CYP4V2: variants seen among roughly 807,000 people sequenced by gnomAD.
The protein encoded by CYP4V2 is cytochrome P450 family 4 subfamily V member 2.
A neutral mutation model predicts 60.8 loss-of-function variants in CYP4V2; 55 were observed. That is an observed-to-expected ratio of 0.90 (90% CI 0.73 to 1.13). The LOEUF is 1.13. Ranked by LOEUF, CYP4V2 falls within the 50% of genes most tolerant of loss-of-function variation. The pLI, the probability that CYP4V2 is intolerant of heterozygous loss-of-function variation, is 0.00. For missense variants in CYP4V2, 675 were observed against 662.9 expected (o/e 1.02, Z -0.20); for synonymous variants, 239 against 236.8 (o/e 1.01, Z -0.08).
intron 10 of CYP4V2, among the ~76,000 whole-genome samples, chr4:186,210,125 G>A (rs1877320): frequency 0.89 from 135,684 of 152,228 alleles, 60,515 homozygotes; most frequent in East Asian, 0.94. Flanking sequence ...TGAGGCCAGA[G>A]TGAAACGGGT....
Position 186,194,542 on chromosome 4 carries a change from A to C in CYP4V2, c.257A>C (p.His86Pro). 6.2e-7 allele frequency: 1 copy of C among 1,614,210 alleles called. No homozygotes were observed. The highest frequency in any genetic ancestry group is 8.5e-7 in the Non-Finnish European group (1 of 1,180,022). ...ATTGAGTACACAGAGGAATACCGCC[A>C]CATGCCGCTGCTGAAGCTCTGGGTC... is the stretch of plus-strand genomic sequence containing the variant. ...QIIEYTEEYRHMPLLKLWVGP... is the reference protein window; with the variant it reads ...QIIEYTEEYRPMPLLKLWVGP... Residue 86 changes from histidine (H) to proline (P), a missense_variant, in exon 2 of 11, where the codon CAC (histidine) becomes CCC (proline). His to Pro is a moderately conservative substitution (Grantham distance 77, BLOSUM62 -2). Transcript: ENST00000378802.
In CYP4V2 at chr4:186,212,584, G is replaced by T. The variant is rs1736761023; in HGVS notation, c.*1943G>T. ...ATATGTTATTGGAAGAGATTCCTCAGTAATCTCCAATCTCTCATAGTGCCT... is the reference window on the plus strand; with the variant it reads ...ATATGTTATTGGAAGAGATTCCTCATTAATCTCCAATCTCTCATAGTGCCT... On this transcript the variant is annotated 3_prime_UTR_variant, in exon 11 of 11. Transcript: ENST00000378802. The T allele has an allele frequency of 6.6e-6, 1 of 152,166 alleles. No homozygotes were observed. The highest frequency in any genetic ancestry group is 2.4e-5 in the African/African-American group (1 of 41,430). 9.4% of individuals were successfully genotyped at this position (152,166 alleles called of 1,614,324 possible).
chr4:186,197,457 G>C (rs1736184769), intron 4 of CYP4V2, 76 bp from the exon 5 acceptor site: 3 of 1,418,856 alleles, frequency 2.1e-6, no homozygotes, highest in Non-Finnish European at 3.0e-6. Context: ...CGTCTTTAGT[G>C]TCTGCCGCTG....
At chr4:186,193,295 G>A (rs767045241) in intron 1 of CYP4V2, among the ~76,000 whole-genome samples, 1 of 152,100 alleles carries the variant, frequency 6.6e-6, no homozygotes, top group Non-Finnish European at 1.5e-5. Context: ...TACTGTTTTG[G>A]GGATTCCAGT....
intron 10 of CYP4V2, among the ~76,000 whole-genome samples, chr4:186,210,132 GGGTGAATCTGAAGCTTTTTT>G (rs1365258654): frequency 6.6e-6 from 1 of 152,160 alleles, no homozygotes; most frequent in African/African-American, 2.4e-5. Flanking sequence ...AGAGTGAAAC[GGGTGAATCTGAAGCTTTTTT>G]GGTGAATCCA....
At chr4:186,208,801 T>C (rs2126600394) in intron 8 of CYP4V2, 64 bp from the exon 9 acceptor site, 2 of 1,610,512 alleles carry the variant, frequency 1.2e-6, no homozygotes, top group African/African-American at 1.3e-5. Flanking sequence ...CTGTTCTTTT[T>C]AGATGTCTGC....
intron 5 of CYP4V2, 105 bp from the exon 6 acceptor site, chr4:186,198,852 A>T: frequency 1.3e-6 from 2 of 1,557,560 alleles, no homozygotes; most frequent in Non-Finnish European, 1.8e-6. Context: ...TAAGACAATC[A>T]TCGTCATTCC....
At position 186,208,851 on chromosome 4, in the gene CYP4V2, C is replaced by T. The variant is rs759808993; in HGVS notation, c.1091-14C>T. 21 of 1,614,094 alleles carry T rather than the reference C, an allele frequency of 1.3e-5. No individual in the cohort carries two copies. Among genetic ancestry groups the T allele is most frequent in the East Asian group, 2.2e-5 (1 of 44,906 alleles). On this transcript the variant is annotated splice_polypyrimidine_tract_variant and intron_variant, in intron 8 of 10. Coordinates refer to ENST00000378802, the MANE Select transcript of CYP4V2 (RefSeq NM_207352.4). ...CTGCTCTTTCAGGTCATCTTATCTA[C>T]TTGCTTTCATCAGGGAAGTCTGACC... is the stretch of plus-strand genomic sequence containing the variant.
intron 8 of CYP4V2, among the ~76,000 whole-genome samples, chr4:186,207,080 CTT>C (rs1330798628): frequency 6.6e-6 from 1 of 151,946 alleles, no homozygotes; most frequent in Non-Finnish European, 1.5e-5. Context: ...TTGTGCCTCA[CTT>C]TTTCTTCTAC....
intron 1 of CYP4V2, among the ~76,000 whole-genome samples, chr4:186,193,117 C>A (rs529304901): frequency 7.1e-6 from 1 of 140,116 alleles, no homozygotes; most frequent in Non-Finnish European, 1.6e-5. Flanking sequence ...AGTAATCCAA[C>A]ACAGATATGA....
intron 5 of CYP4V2, among the ~76,000 whole-genome samples, chr4:186,197,978 C>T (rs1329419577): frequency 1.3e-5 from 2 of 152,158 alleles, no homozygotes; most frequent in African/African-American, 4.8e-5. Flanking sequence ...CAGTGTTTCT[C>T]ATTGTCTCGT....
intron 4 of CYP4V2, 147 bp downstream of exon 4, chr4:186,197,277 G>GA (rs2126585355): frequency 9.6e-7 from 1 of 1,044,584 alleles, no homozygotes; most frequent in Non-Finnish European, 1.4e-6. Context: ...CTGGCCTTCT[G>GA]AGGAGCAGCA....
chr4:186,191,943 C>T lies in CYP4V2; in HGVS notation c.120C>T (p.Tyr40=), dbSNP rs1481160549. ...GCCTGCTGCAGAGGGTGGCGAGCTA[C>T]GCGCGGAAATGGCAGCAGATGCGGC... The part of the protein sequence containing the change: ...VLSLLQRVAS[Y]ARKWQQMRPI... The change falls in exon 1 of 11, where the codon TAC becomes TAT. Residue 40 remains tyrosine (Y), a synonymous_variant. Transcript: ENST00000378802. 5.0e-6 allele frequency: 8 copies of T among 1,591,454 alleles called. No individual in the cohort carries two copies. The highest frequency in any genetic ancestry group is 2.3e-5 in the East Asian group (1 of 43,822).
rs1198222231 is a variant in CYP4V2 at position 186,212,280 on chromosome 4, G to T, written c.*1639G>T. 6.6e-6 allele frequency: 1 copy of T among 152,106 alleles called. No individual in the cohort carries two copies. The highest frequency in any genetic ancestry group is 1.5e-5 in the Non-Finnish European group (1 of 68,022). 9.4% of individuals were successfully genotyped at this position (152,106 alleles called of 1,614,324 possible). A position where few individuals can be genotyped will look rare whatever the true frequency, so the allele number is the denominator to read the frequency against. Reference sequence around the variant, plus strand: ...GCTTCTGATTCAGGCATACTTTTGGGATTCTTCCATCTTTAAAGGAAAAAG... The same window carrying T: ...GCTTCTGATTCAGGCATACTTTTGGTATTCTTCCATCTTTAAAGGAAAAAG... On this transcript the variant is annotated 3_prime_UTR_variant, in exon 11 of 11. Coordinates refer to ENST00000378802, the MANE Select transcript of CYP4V2 (RefSeq NM_207352.4).
intron 3 of CYP4V2, chr4:186,196,643 C>T (rs543953896): frequency 1.1e-5 from 4 of 354,840 alleles, no homozygotes; most frequent in African/African-American, 2.1e-5. Flanking sequence ...ATTAGAAACT[C>T]GGAACTTAGA....
chr4:186,199,619 A>C (rs1736252219), intron 6 of CYP4V2, among the ~76,000 whole-genome samples: 1 of 152,214 alleles, frequency 6.6e-6, no homozygotes, highest in Admixed American at 6.5e-5. Flanking sequence ...GTTTTCTGGA[A>C]AATGTTTGGA....
intron 7 of CYP4V2, chr4:186,203,035 C>T (rs1027047883): frequency 4.0e-5 from 6 of 150,754 alleles, no homozygotes; most frequent in African/African-American, 1.5e-4. Flanking sequence ...CACACATGCG[C>T]ATATACACAT....
rs566680277 is a variant in CYP4V2 at position 186,209,096 on chromosome 4, G to A, written c.1229G>A (p.Gly410Asp). The A allele has an allele frequency of 6.2e-7, 1 of 1,614,082 alleles. No individual in the cohort carries two copies. The highest frequency in any genetic ancestry group is 2.2e-5 in the East Asian group (1 of 44,880). Reference protein sequence around the residue: ...RSVSEDCEVAGYRVLKGTEAV... With the variant: ...RSVSEDCEVADYRVLKGTEAV... ...TGTATTGACTACTTCTTGACAGCAG[G>A]TTACAGAGTTCTAAAAGGCACTGAA... The change falls in exon 10 of 11, where the codon GGT (glycine) becomes GAT (aspartate). Residue 410 changes from glycine (G) to aspartate (D), a missense_variant. Gly to Asp is a moderately conservative substitution (Grantham distance 94). Transcript: ENST00000378802.
chr4:186,203,231 C>G (rs1397827348), intron 7 of CYP4V2: 1 of 152,274 alleles, frequency 6.6e-6, no homozygotes, highest in Non-Finnish European at 1.5e-5. Flanking sequence ...CTACCAGGAA[C>G]CTCTCAATCT....
Sources: gnomAD v4.1 joint callset for allele counts (sites outside exome capture counted in the v4.1 genomes callset) on GRCh38, gnomAD v4.1.1 for gene constraint, MANE v1.5 for transcripts, NCBI Gene and HGNC (gene_info 2026-07-23, HGNC 2026-07-21) for gene names.